Variants in CTPS1 observed in about 807,000 individuals in gnomAD.
CTPS1 encodes CTP synthetase 1.
CTPS1 carries 25 observed loss-of-function variants against 80.5 expected under a neutral mutation model. The ratio of observed to expected loss-of-function variants is 0.31; its 90% CI spans 0.23 to 0.43. CTPS1 has a LOEUF of 0.43. CTPS1 is among the 20% of genes least tolerant of loss of function. The pLI is 1.00. For missense variants in CTPS1, 442 were observed against 725.7 expected (o/e 0.61, Z 4.49); for synonymous variants, 267 against 252.5 (o/e 1.06, Z -0.54).
In CTPS1 at chr1:40,987,416, C is replaced by G. The variant is rs770911785; in HGVS notation, c.382C>G (p.Gln128Glu). ...TGCAATCCAGGAGTGGGTGATGAGA[C>G]AGGCGTTAATACCTGTAGATGAAGA... Reference protein sequence around the residue: ...TDAIQEWVMRQALIPVDEDGL... With the variant: ...TDAIQEWVMREALIPVDEDGL... Residue 128 changes from glutamine (Q) to glutamate (E), a missense_variant, in exon 4 of 19, where the codon CAG becomes GAG. Coordinates refer to ENST00000650070, the MANE Select transcript of CTPS1 (RefSeq NM_001905.4). 6.2e-7 allele frequency: 1 copy of G among 1,614,078 alleles called. No individual in the cohort carries two copies. The highest frequency in any genetic ancestry group is 1.1e-5 in the South Asian group (1 of 91,064).
In CTPS1 at chr1:41,010,148, C is replaced by G; in HGVS notation, c.1692-13C>G. On this transcript the variant is annotated splice_polypyrimidine_tract_variant and intron_variant, in intron 17 of 18. Coordinates refer to ENST00000650070, the MANE Select transcript of CTPS1 (RefSeq NM_001905.4). ...TGGTGGGAGATGATGCGTAAACCAT[C>G]TGAATTCTACAGGGACACCTATAGT... 1 of 1,604,572 alleles carries G rather than the reference C, an allele frequency of 6.2e-7. No individual in the cohort carries two copies. The highest frequency in any genetic ancestry group is 2.2e-5 in the East Asian group (1 of 44,828).
chr1:41,010,897 CTG>C (rs1406671159), intron 18 of CTPS1, among the ~76,000 whole-genome samples: 1 of 152,202 alleles, frequency 6.6e-6, no homozygotes, highest in Admixed American at 6.5e-5. Flanking sequence ...TTTGAGATAA[CTG>C]TGTGGACTGT....
intron 3 of CTPS1, among the ~76,000 whole-genome samples, chr1:40,986,655 C>T (rs1038190738): frequency 6.6e-6 from 1 of 152,186 alleles, no homozygotes; most frequent in African/African-American, 2.4e-5. Flanking sequence ...TAATCTTCAC[C>T]TTTTAGGAAC....
At chr1:40,983,534 C>A in intron 2 of CTPS1, 78 bp downstream of exon 2, 1 of 1,258,048 alleles carries the variant, frequency 7.9e-7, no homozygotes, top group Non-Finnish European at 1.1e-6. Context: ...GCACGGTTTG[C>A]ATAACTTTTA....
chr1:40,999,472 C>G (rs1038025934), intron 9 of CTPS1, among the ~76,000 whole-genome samples: 2 of 152,142 alleles, frequency 1.3e-5, no homozygotes, highest in South Asian at 2.1e-4. Flanking sequence ...GTGATAAACA[C>G]GAAAAGGTGC....
At chr1:40,993,919 C>T (rs1157845698) in intron 7 of CTPS1, among the ~76,000 whole-genome samples, 1 of 151,762 alleles carries the variant, frequency 6.6e-6, no homozygotes, top group Non-Finnish European at 1.5e-5. Context: ...GCTGGGGCTA[C>T]AGGCATGCAC....
chr1:41,007,312 G>C lies in CTPS1; in HGVS notation c.1297-137G>C, dbSNP rs1473729123. The C allele has an allele frequency of 6.9e-6, 5 of 723,028 alleles. No individual in the cohort carries two copies. The Middle Eastern group carries it at 7.3e-4, about 106-fold the overall frequency. The allele number at this position is 723,028 out of a possible 1,614,324, so 44.8% of individuals were successfully genotyped here. On this transcript the variant is annotated intron_variant, in intron 13 of 18. Coordinates refer to ENST00000650070, the MANE Select transcript of CTPS1 (RefSeq NM_001905.4). This position sits in a 1 kb window ranked among gnomAD's most constrained non-coding sequence, Gnocchi z 4.4. ...TGCCAACTGGGAGGCATTTTCTTCT[G>C]TGACAAAATGTCTCATAAGGAAAGC...
At position 41,009,525 on chromosome 1, in the gene CTPS1, C is replaced by T. The variant is rs1643116521; in HGVS notation, c.1627C>T (p.Leu543Phe). The T allele has an allele frequency of 6.2e-7, 1 of 1,614,090 alleles. No individual in the cohort carries two copies. The highest frequency in any genetic ancestry group is 1.3e-5 in the African/African-American group (1 of 75,022). ...PIKPSPPYFG[L>F]LLASVGRLSH... is the part of the protein sequence containing the mutation. ...CAAGCCCTCCCCACCATACTTTGGC[C>T]TCCTCCTGGCCTCTGTGGGGCGGCT... Residue 543 changes from leucine (L) to phenylalanine (F), a missense_variant, in exon 17 of 19, where the codon CTC becomes TTC. Leu to Phe is a conservative substitution (Grantham distance 22, BLOSUM62 0). Coordinates refer to ENST00000650070, the MANE Select transcript of CTPS1 (RefSeq NM_001905.4).
At position 40,997,421 on chromosome 1, in the gene CTPS1, T is replaced by A. The variant is rs776135557; in HGVS notation, c.900T>A (p.Ser300=). The stretch of plus-strand genomic sequence containing the variant: ...ATGATCGCTTGCTGGAGACCTGCTC[T>A]ATTGCCCTTGTGGGCAAATACACGA... The part of the protein sequence containing the change: ...DRYDRLLETC[S]IALVGKYTKF... The change falls in exon 9 of 19, where the codon TCT becomes TCA. Residue 300 remains serine, a synonymous_variant. Coordinates refer to ENST00000650070, the MANE Select transcript of CTPS1 (RefSeq NM_001905.4). 3 of 1,614,126 alleles carry A rather than the reference T, an allele frequency of 1.9e-6. No individual in the cohort carries two copies. Among genetic ancestry groups the A allele is most frequent in the Non-Finnish European group, 2.5e-6 (3 of 1,180,000 alleles).
intron 7 of CTPS1, among the ~76,000 whole-genome samples, chr1:40,993,888 C>T (rs1349031084): frequency 2.1e-5 from 3 of 145,882 alleles, no homozygotes; most frequent in African/African-American, 7.5e-5. Context: ...AAGCGATTCT[C>T]CTGCCTCAGC....
At position 40,991,840 on chromosome 1, in the gene CTPS1, G is replaced by C. The variant is rs756348375; in HGVS notation, c.715G>C (p.Glu239Gln). ...KISMFCHVEP[E>Q]QVICVHDVSS... is the part of the protein sequence containing the mutation. Reference sequence around the variant, plus strand: ...ATCAATGTTCTGCCATGTTGAGCCTGAACAAGTGAGTAGAAATTCCCATCT... The same window carrying C: ...ATCAATGTTCTGCCATGTTGAGCCTCAACAAGTGAGTAGAAATTCCCATCT... Residue 239 changes from glutamate to glutamine, a missense_variant, in exon 7 of 19, where the codon GAA becomes CAA. Coordinates refer to ENST00000650070, the MANE Select transcript of CTPS1 (RefSeq NM_001905.4). The C allele has an allele frequency of 6.2e-7, 1 of 1,612,788 alleles. No homozygotes were observed. The highest frequency in any genetic ancestry group is 1.1e-5 in the South Asian group (1 of 91,048).
In CTPS1 at chr1:41,007,520, G is replaced by C; in HGVS notation, c.1368G>C (p.Leu456=). The C allele has an allele frequency of 6.2e-7, 1 of 1,614,120 alleles. No individual in the cohort carries two copies. The highest frequency in any genetic ancestry group is 8.5e-7 in the Non-Finnish European group (1 of 1,180,020). ...GTMRLGKRRT[L]FQTKNSVMRK... ...TGAGGCTGGGCAAGAGGAGAACCCTGTTCCAGACCAAGAACTCAGTCATGA... is the reference window on the plus strand; with the variant it reads ...TGAGGCTGGGCAAGAGGAGAACCCTCTTCCAGACCAAGAACTCAGTCATGA... Residue 456 remains leucine (L), a synonymous_variant, in exon 14 of 19, where the codon CTG becomes CTC. Coordinates refer to ENST00000650070, the MANE Select transcript of CTPS1 (RefSeq NM_001905.4). This position sits in a 1 kb window ranked among gnomAD's most constrained non-coding sequence, Gnocchi z 4.4.
intron 9 of CTPS1, 59 bp downstream of exon 9, chr1:40,997,585 G>A (rs376533615): frequency 2.9e-5 from 46 of 1,571,170 alleles, no homozygotes; most frequent in Non-Finnish European, 3.7e-5. Flanking sequence ...CTGTAGTCTC[G>A]TAGGTGCTGT....
At chr1:40,983,035 A>T (rs1174535691) in intron 1 of CTPS1, 2 of 327,772 alleles carry the variant, frequency 6.1e-6, no homozygotes, top group Non-Finnish European at 1.1e-5. Flanking sequence ...TTTAAACAAA[A>T]GCTGTGTTAT....
At chr1:40,984,122 A>G (rs1028016861) in intron 2 of CTPS1, among the ~76,000 whole-genome samples, 5 of 152,262 alleles carry the variant, frequency 3.3e-5, no homozygotes, top group South Asian at 4.1e-4. Flanking sequence ...AACAAATGGC[A>G]TCAGGAAAAG....
chr1:40,979,993 C>G (rs1651782013), intron 1 of CTPS1, 164 bp downstream of exon 1: 2 of 151,776 alleles, frequency 1.3e-5, no homozygotes, highest in Non-Finnish European at 2.9e-5. Flanking sequence ...GGCTGTGTGC[C>G]TAACGGGAGT....
intron 9 of CTPS1, 151 bp downstream of exon 9, chr1:40,997,677 T>C: frequency 9.7e-7 from 1 of 1,032,372 alleles, no homozygotes; most frequent in Non-Finnish European, 1.3e-6. Flanking sequence ...TGTGGTTGCT[T>C]CGTGGCTTTG....
intron 2 of CTPS1, among the ~76,000 whole-genome samples, chr1:40,984,109 C>T (rs1642389786): frequency 6.6e-6 from 1 of 152,152 alleles, no homozygotes; most frequent in South Asian, 2.1e-4. Flanking sequence ...CAGAAATCCT[C>T]GTAACAAATG....
At chr1:40,987,105 G>T (rs1376908907) in intron 3 of CTPS1, among the ~76,000 whole-genome samples, 1 of 152,202 alleles carries the variant, frequency 6.6e-6, no homozygotes, top group Admixed American at 6.5e-5. Flanking sequence ...CTGCACAGGG[G>T]CACGTGCGCC....
Sources: gnomAD v4.1 joint callset for allele counts (sites outside exome capture counted in the v4.1 genomes callset) on GRCh38, gnomAD v4.1.1 for gene constraint, Gnocchi (gnomAD v3.1) non-coding constraint, MANE v1.5 for transcripts, NCBI Gene and HGNC (gene_info 2026-07-23, HGNC 2026-07-21) for gene names.